Variants in WWOX observed in about 807,000 individuals in gnomAD.
The protein encoded by WWOX is WW domain containing oxidoreductase.
WWOX carries 69 observed loss-of-function variants against 46.2 expected under a neutral mutation model. That is an observed-to-expected ratio of 1.49 (90% CI 1.23 to 1.82). The LOEUF is 1.82. WWOX is among the 40% of genes most tolerant of loss of function. The probability of loss-of-function intolerance (pLI) is 0.00; values close to 1 mark genes in which losing one functional copy is unlikely to be tolerated. For synonymous variants in WWOX, 359 were observed against 202.6 expected (o/e 1.77, Z -6.56); for missense variants, 919 against 542.6 (o/e 1.69, Z -6.89).
At chr16:78,921,014 G>C (rs1213564578) in intron 8 of WWOX, among the ~76,000 whole-genome samples, 1 of 152,138 alleles carries the variant, frequency 6.6e-6, no homozygotes, top group Non-Finnish European at 1.5e-5. Context: ...CTGTTTGCTT[G>C]ATATTAAGCT....
intron 8 of WWOX, among the ~76,000 whole-genome samples, chr16:78,929,693 G>A (rs1013596595): frequency 2.0e-5 from 3 of 152,168 alleles, no homozygotes; most frequent in African/African-American, 4.8e-5. Flanking sequence ...GCCAGCTCAG[G>A]AAAGATTTCA....
At chr16:78,393,471 C>T (rs1399842461) in intron 6 of WWOX, among the ~76,000 whole-genome samples, 3 of 151,490 alleles carry the variant, frequency 2.0e-5, no homozygotes, top group Non-Finnish European at 4.4e-5. Context: ...CCAGCCTGGG[C>T]AACGTAGTGA....
chr16:78,970,981 C>T (rs1251568344), intron 8 of WWOX, among the ~76,000 whole-genome samples: 1 of 151,974 alleles, frequency 6.6e-6, no homozygotes, highest in Non-Finnish European at 1.5e-5. Context: ...GAAACAGCTG[C>T]CAGAAAATCC....
At chr16:78,911,534 T>C (rs753236639) in intron 8 of WWOX, among the ~76,000 whole-genome samples, 9 of 151,922 alleles carry the variant, frequency 5.9e-5, no homozygotes, top group Non-Finnish European at 7.4e-5. Context: ...TTGAATGAAA[T>C]AAGACTCTTA....
At chr16:78,822,512 AAAAC>A (rs1035334478) in intron 8 of WWOX, among the ~76,000 whole-genome samples, 1 of 152,220 alleles carries the variant, frequency 6.6e-6, no homozygotes, top group African/African-American at 2.4e-5. Context: ...AACAAAAACA[AAAAC>A]AAACAAAAAT....
chr16:78,547,015 C>T (rs1337327956), intron 8 of WWOX, among the ~76,000 whole-genome samples: 1 of 150,950 alleles, frequency 6.6e-6, no homozygotes, highest in African/African-American at 2.4e-5. Context: ...GTGGTCCCAG[C>T]TACTTGGGAG....
At chr16:78,550,173 A>G (rs754925727) in intron 8 of WWOX, among the ~76,000 whole-genome samples, 1 of 152,196 alleles carries the variant, frequency 6.6e-6, no homozygotes, top group Non-Finnish European at 1.5e-5. Context: ...ATTCCTTACT[A>G]TTGTCATTAA....
chr16:79,008,146 T>A lies in WWOX; in HGVS notation c.1057-203462T>A, dbSNP rs557749611. 1.8e-4 allele frequency among the ~76,000 whole-genome samples: 27 copies of A among 152,272 alleles called. 1 individual carries two copies. The highest frequency in any genetic ancestry group is 3.5e-4 in the Non-Finnish European group (24 of 68,024). On this transcript the variant is annotated intron_variant, in intron 8 of 8. Transcript: ENST00000566780. ...TCTTGTAACTGTAGGACTGAGGTGCTTGTTTTCTTGCTGGCTGTTGACTGA... is the reference window on the plus strand; with the variant it reads ...TCTTGTAACTGTAGGACTGAGGTGCATGTTTTCTTGCTGGCTGTTGACTGA...
At chr16:78,333,325 A>C (rs2080808060) in intron 5 of WWOX, among the ~76,000 whole-genome samples, 1 of 152,046 alleles carries the variant, frequency 6.6e-6, no homozygotes, top group African/African-American at 2.4e-5. Context: ...CTGGGATTAC[A>C]GACATGAGCC....
chr16:78,563,418 T>G (rs16948096), intron 8 of WWOX, among the ~76,000 whole-genome samples: 5 of 151,144 alleles, frequency 3.3e-5, no homozygotes, highest in Middle Eastern at 3.5e-3. Flanking sequence ...AAGCCAAAAA[T>G]TGAACAATAA....
chr16:78,568,772 G>T (rs1046614634), intron 8 of WWOX, among the ~76,000 whole-genome samples: 1 of 152,152 alleles, frequency 6.6e-6, no homozygotes, highest in African/African-American at 2.4e-5. Context: ...ACAGCGTCCA[G>T]CCCCAACTTC....
chr16:78,479,348 G>C (rs1237172367), intron 8 of WWOX, among the ~76,000 whole-genome samples: 1 of 152,172 alleles, frequency 6.6e-6, no homozygotes, highest in African/African-American at 2.4e-5. Flanking sequence ...AAATAATTTT[G>C]ATAGAAGCAA....
At chr16:78,936,262 G>C (rs542605669) in intron 8 of WWOX, among the ~76,000 whole-genome samples, 16 of 152,098 alleles carry the variant, frequency 1.1e-4, no homozygotes, top group Non-Finnish European at 1.9e-4. Flanking sequence ...CCTTTGACCT[G>C]GGCCTTCAAC....
chr16:78,991,679 C>G (rs1180907067), intron 8 of WWOX, among the ~76,000 whole-genome samples: 1 of 151,822 alleles, frequency 6.6e-6, no homozygotes, highest in African/African-American at 2.4e-5. Flanking sequence ...CCCTCAGAAC[C>G]TCAGTTTCCT....
At chr16:78,826,008 GGGCTGTCCTT>G (rs1292373429) in intron 8 of WWOX, 8 of 593,538 alleles carry the variant, frequency 1.3e-5, no homozygotes, top group Non-Finnish European at 2.0e-5. Context: ...ATAGCATAAC[GGGCTGTCCTT>G]GGCAGTTGTA....
intron 8 of WWOX, among the ~76,000 whole-genome samples, chr16:78,509,837 C>T (rs1330562457): frequency 2.0e-5 from 3 of 151,522 alleles, no homozygotes; most frequent in East Asian, 1.9e-4. Flanking sequence ...CTCACAAATT[C>T]AGCACTTTGG....
intron 8 of WWOX, among the ~76,000 whole-genome samples, chr16:79,014,453 G>T (rs187255415): frequency 3.9e-5 from 6 of 152,042 alleles, no homozygotes; most frequent in Admixed American, 3.9e-4. Flanking sequence ...TCAATTTTCC[G>T]TGGTATGAAA....
rs534187443 is a variant in WWOX, at chr16:79,201,703, GA to G, written c.1057-9903del. ...AGCCTCCTTCCTCTCATTGAAGAGT[GA>G]ATGTTGCTCAGTTACTTTTTTCCTG... On this transcript the variant is annotated intron_variant, in intron 8 of 8. Coordinates refer to ENST00000566780, the MANE Select transcript of WWOX (RefSeq NM_016373.4). 3.8e-4 allele frequency among the ~76,000 whole-genome samples: 58 copies of G among 151,040 alleles called. 1 individual carries two copies. The highest frequency in any genetic ancestry group is 1.3e-3 in the African/African-American group (55 of 41,370).
At chr16:78,703,503 C>G (rs1320352969) in intron 8 of WWOX, among the ~76,000 whole-genome samples, 13 of 151,938 alleles carry the variant, frequency 8.6e-5, no homozygotes, top group Non-Finnish European at 2.9e-5. Context: ...GTAGCTCCAG[C>G]TACTCAGAGG....
Sources: allele counts gnomAD v4.1 joint callset (sites outside exome capture counted in the v4.1 genomes callset), GRCh38; gene constraint gnomAD v4.1.1; transcripts MANE v1.5; gene names NCBI Gene and HGNC (gene_info 2026-07-23, HGNC 2026-07-21).